The following KPNA5 variants were observed in gnomAD, a reference collection of about 807,000 sequenced individuals.
The protein encoded by KPNA5 is importin subunit alpha-6.
In KPNA5, 46 loss-of-function variants were observed where a neutral mutation model predicts 71.3. That is an observed-to-expected ratio of 0.65 (90% CI 0.51 to 0.83). The LOEUF (loss-of-function observed/expected upper bound fraction) is 0.83, where lower values mean the gene tolerates loss of function less well. KPNA5 is among the 40% of genes least tolerant of loss of function. KPNA5 has a pLI of 0.00. For synonymous variants in KPNA5, 207 were observed against 201.4 expected, an observed-to-expected ratio of 1.03 and a Z score of -0.24; for missense variants, 547 against 628.3, an observed-to-expected ratio of 0.87 and a Z score of 1.38.
intron 4 of KPNA5, among the ~76,000 whole-genome samples, chr6:116,693,846 C>T (rs1476179650): frequency 6.6e-6 from 1 of 151,892 alleles, no homozygotes; most frequent in Non-Finnish European, 1.5e-5. Context: ...CCTAGGTTTT[C>T]TTCTAGGGTT....
chr6:116,702,010 T>TC lies in KPNA5; in HGVS notation c.436-8dup, dbSNP rs763298972. ...TCTTTCATTTATTTTACCTTTTTTT[T>TC]CTTCTTAGTTTGAAGCTGCATGGGC... On this transcript the variant is annotated splice_polypyrimidine_tract_variant and intron_variant, in intron 5 of 13. Transcript: ENST00000368564. 1.1e-5 allele frequency: 17 copies of TC among 1,597,896 alleles called. No homozygotes were observed. The highest frequency in any genetic ancestry group is 3.4e-4 in the Middle Eastern group (2 of 5,944).
Position 116,735,095 on chromosome 6 carries a change from TA to T in KPNA5, c.*2774del, listed in dbSNP as rs1463210993. The T allele has an allele frequency of 1.3e-5, 2 of 151,816 alleles. No individual in the cohort carries two copies. The highest frequency in any genetic ancestry group is 4.8e-5 in the African/African-American group (2 of 41,442). The allele number at this position is 151,816 out of a possible 1,614,324, so 9.4% of individuals were successfully genotyped here. A position where few individuals can be genotyped will look rare whatever the true frequency, so the allele number is the denominator to read the frequency against. On this transcript the variant is annotated 3_prime_UTR_variant, in exon 14 of 14. Transcript: ENST00000368564. ...TGTGTTTTATTTCAAAACGTTGTTT[TA>T]AGTGATAGTGTCCTTAAATTTTAGT...
At chr6:116,701,408 T>G (rs1778225546) in intron 5 of KPNA5, among the ~76,000 whole-genome samples, 1 of 152,174 alleles carries the variant, frequency 6.6e-6, no homozygotes, top group Non-Finnish European at 1.5e-5. Context: ...ATCCATAATG[T>G]ATATGTATAT....
chr6:116,708,859 T>C (rs1037157200), intron 7 of KPNA5, among the ~76,000 whole-genome samples: 18 of 152,252 alleles, frequency 1.2e-4, no homozygotes, highest in African/African-American at 4.3e-4. Context: ...AATCTTGGCT[T>C]ACTGCAGTCT....
At chr6:116,710,889 ATATATTT>A (rs1436689472) in intron 7 of KPNA5, among the ~76,000 whole-genome samples, 13 of 68,822 alleles carry the variant, frequency 1.9e-4, no homozygotes, top group African/African-American at 1.0e-3. Context: ...ATATATATAT[ATATATTT>A]TTTTTTTTTT....
rs1231757127 is a variant in KPNA5, at chr6:116,724,448, A to G, written c.999+73A>G. On this transcript the variant is annotated intron_variant, in intron 10 of 13. Transcript: ENST00000368564. The stretch of plus-strand genomic sequence containing the variant: ...AAAAATTTATGTTTCATACAACTTG[A>G]TTACATATTAATCAAGATTTTAGCA... 4 of 957,060 alleles carry G rather than the reference A, an allele frequency of 4.2e-6. No individual in the cohort carries two copies. The African/African-American group carries it at 4.9e-5, about 12-fold the overall frequency. 59.3% of individuals were successfully genotyped at this position (957,060 alleles called of 1,614,324 possible). A position where few individuals can be genotyped will look rare whatever the true frequency, so the allele number is the denominator to read the frequency against.
rs1323679003 is a variant in KPNA5 at position 116,729,571 on chromosome 6, T to C, written c.1262T>C (p.Val421Ala). 1.3e-6 allele frequency: 2 copies of C among 1,540,574 alleles called. No homozygotes were observed. The change falls in exon 13 of 14, where the codon GTA becomes GCA. Residue 421 changes from valine to alanine, a missense_variant. Physicochemically the swap from Val to Ala is moderately conservative, Grantham distance 64. Transcript: ENST00000368564. ...GGTPEQIRYLVALGCIKPLCD... is the reference protein window; with the variant it reads ...GGTPEQIRYLAALGCIKPLCD... ...TTTATATTAATCTGAAGGTATTTGG[T>C]AGCTTTAGGCTGCATTAAACCACTT...
At chr6:116,716,375 T>G in intron 8 of KPNA5, 57 bp downstream of exon 8, 1 of 1,195,906 alleles carries the variant, frequency 8.4e-7, no homozygotes, top group Non-Finnish European at 1.2e-6. Flanking sequence ...AGTTTCTATA[T>G]AATAGCTTTT....
chr6:116,688,109 C>CTCTGCTTGAAATGCTTG, intron 1 of KPNA5, among the ~76,000 whole-genome samples: 1 of 152,110 alleles, frequency 6.6e-6, no homozygotes, highest in African/African-American at 2.4e-5. Flanking sequence ...TGATTCTCCC[C>CTCTGCTTGAAATGCTTG]ATTTCTCTTT....
At chr6:116,710,868 T>TA (rs1778635469) in intron 7 of KPNA5, among the ~76,000 whole-genome samples, 3 of 108,736 alleles carry the variant, frequency 2.8e-5, no homozygotes, top group Middle Eastern at 4.6e-3. Flanking sequence ...TGTAGTAATA[T>TA]TATTTTATAT....
chr6:116,689,938 T>C (rs531007814), intron 2 of KPNA5, among the ~76,000 whole-genome samples: 1 of 152,356 alleles, frequency 6.6e-6, no homozygotes, highest in South Asian at 2.1e-4. Context: ...TTTAAGAGAG[T>C]ACATCTCAAC....
intron 1 of KPNA5, among the ~76,000 whole-genome samples, chr6:116,683,951 C>CCCAGGCTGGAGT (rs1453066629): frequency 1.7e-5 from 2 of 120,754 alleles, no homozygotes; most frequent in African/African-American, 3.2e-5. Context: ...TGCTCTGTCT[C>CCCAGGCTGGAGT]CCAGGCTGGA....
intron 8 of KPNA5, among the ~76,000 whole-genome samples, chr6:116,719,842 C>A (rs1018359590): frequency 2.0e-5 from 3 of 149,558 alleles, no homozygotes; most frequent in Non-Finnish European, 4.4e-5. Context: ...CAGAGCAAGA[C>A]CCTGTCTCAA....
At chr6:116,732,074 T>TATATA (rs1554258547) in intron 13 of KPNA5, 62 bp from the exon 14 acceptor site, 35 of 67,750 alleles carry the variant, frequency 5.2e-4, no homozygotes, top group Non-Finnish European at 8.3e-4. Flanking sequence ...AACAGTTTGT[T>TATATA]TATATATATA....
rs74344697 is a variant in KPNA5, at chr6:116,709,783, C to T, written c.656+4623C>T. Among the ~76,000 whole-genome samples, 16 of 136,978 alleles carry T rather than the reference C, an allele frequency of 1.2e-4. No individual in the cohort carries two copies. In the East Asian group the frequency reaches 2.5e-3, roughly 21 times the overall value. 89.9% of individuals were successfully genotyped at this position (136,978 alleles called of 152,430 possible). On this transcript the variant is annotated intron_variant, in intron 7 of 13. Transcript: ENST00000368564. ...TTCCTTCTATTTCTTTTTTTTTTTT[C>T]GAGACGGAGTCATGCTCTGTCGCCA...
chr6:116,731,794 C>A (rs1398414106), intron 13 of KPNA5, among the ~76,000 whole-genome samples: 1 of 151,704 alleles, frequency 6.6e-6, no homozygotes, highest in Non-Finnish European at 1.5e-5. Context: ...TGGAGTTAAT[C>A]TAAAACTGCC....
intron 1 of KPNA5, among the ~76,000 whole-genome samples, chr6:116,689,037 A>C (rs1777694363): frequency 6.6e-6 from 1 of 152,140 alleles, no homozygotes; most frequent in Non-Finnish European, 1.5e-5. Context: ...GGGGCTAGGG[A>C]GACAGGAAAG....
intron 7 of KPNA5, 51 bp from the exon 8 acceptor site, chr6:116,716,168 G>T (rs368470186): frequency 7.4e-6 from 10 of 1,359,068 alleles, no homozygotes; most frequent in Non-Finnish European, 1.0e-5. Flanking sequence ...GATAGCTAAA[G>T]AGGAAAAATG....
chr6:116,741,137 A>G lies in KPNA5; in HGVS notation c.*8814A>G, dbSNP rs545296476. 3 of 152,236 alleles carry G rather than the reference A, an allele frequency of 2.0e-5. No homozygotes were observed. Among genetic ancestry groups the G allele is most frequent in the South Asian group, 2.1e-4 (1 of 4,828 alleles). The allele number at this position is 152,236 out of a possible 1,614,324, so 9.4% of individuals were successfully genotyped here. On this transcript the variant is annotated 3_prime_UTR_variant, in exon 14 of 14. Coordinates refer to ENST00000368564, the MANE Select transcript of KPNA5 (RefSeq NM_001366306.2). ...TGTGTTGGTTTTAGTGAAATGGCCC[A>G]TGTGTGTAAGAAAAGAATGTGTTTT...
Sources: allele counts gnomAD v4.1 joint callset (sites outside exome capture counted in the v4.1 genomes callset), GRCh38; gene constraint gnomAD v4.1.1; transcripts MANE v1.5; gene names NCBI Gene and HGNC (gene_info 2026-07-23, HGNC 2026-07-21).